Variants in PTPRM observed in about 807,000 individuals in gnomAD.
The protein encoded by PTPRM is receptor-type tyrosine-protein phosphatase mu.
PTPRM carries 47 observed loss-of-function variants against 186.7 expected under a neutral mutation model. That is an observed-to-expected ratio of 0.25 (90% CI 0.20 to 0.32). The LOEUF (loss-of-function observed/expected upper bound fraction) is 0.32. Ranked by LOEUF, PTPRM falls within the 10% of genes least tolerant of loss-of-function variation. The pLI, the probability that PTPRM is intolerant of heterozygous loss-of-function variation, is 1.00. For missense variants in PTPRM, 1,494 were observed against 1,865.0 expected (o/e 0.80, Z 3.66); for synonymous variants, 668 against 674.9 (o/e 0.99, Z 0.16).
chr18:7,877,281 T>C (rs1020557573), intron 2 of PTPRM, among the ~76,000 whole-genome samples: 15 of 152,168 alleles, frequency 9.9e-5, no homozygotes, highest in African/African-American at 3.1e-4. Flanking sequence ...CCTAGAATGA[T>C]TATTTATATT....
intron 9 of PTPRM, among the ~76,000 whole-genome samples, chr18:8,083,008 C>G (rs1305163954): frequency 6.6e-6 from 1 of 151,962 alleles, no homozygotes; most frequent in Non-Finnish European, 1.5e-5. Context: ...TCCATTTTAT[C>G]TCTAAAAGAT....
At chr18:7,918,078 T>TTGTG (rs35838540) in intron 4 of PTPRM, among the ~76,000 whole-genome samples, 2,578 of 148,070 alleles carry the variant, frequency 0.017, 42 homozygotes, top group East Asian at 0.076. Flanking sequence ...TCTTGTGTGT[T>TTGTG]TGTGTGTGTG....
chr18:8,172,263 AC>A (rs199646185), intron 14 of PTPRM, among the ~76,000 whole-genome samples: 92 of 134,284 alleles, frequency 6.9e-4, no homozygotes, highest in African/African-American at 2.1e-3. Flanking sequence ...TCAAGTCTTG[AC>A]CTTTTTTTTT....
chr18:8,245,404 C>A (rs2147310376), intron 15 of PTPRM, among the ~76,000 whole-genome samples: 1 of 152,276 alleles, frequency 6.6e-6, no homozygotes, highest in East Asian at 1.9e-4. Flanking sequence ...AGCACTGTTG[C>A]TTTCATCCTT....
intron 5 of PTPRM, among the ~76,000 whole-genome samples, chr18:7,941,055 C>G (rs2052139346): frequency 6.6e-6 from 1 of 152,144 alleles, no homozygotes. Flanking sequence ...TATCCTGTGG[C>G]CCAGACATTC....
chr18:7,891,850 G>A (rs1179040104), intron 3 of PTPRM, among the ~76,000 whole-genome samples: 1 of 152,188 alleles, frequency 6.6e-6, no homozygotes, highest in East Asian at 1.9e-4. Flanking sequence ...ACTCCAGCCT[G>A]GGAGACAGAA....
chr18:7,741,057 A>G (rs1452084781), intron 1 of PTPRM, among the ~76,000 whole-genome samples: 1 of 152,104 alleles, frequency 6.6e-6, no homozygotes, highest in Non-Finnish European at 1.5e-5. Context: ...GTGTGTGTGT[A>G]GTGTAAATTC....
intron 22 of PTPRM, among the ~76,000 whole-genome samples, chr18:8,340,484 C>G (rs2095468286): frequency 6.6e-6 from 1 of 152,142 alleles, no homozygotes; most frequent in Non-Finnish European, 1.5e-5. Flanking sequence ...TATAAACACC[C>G]TTTATTTTAA....
chr18:8,313,416 A>G (rs977842705), intron 20 of PTPRM, among the ~76,000 whole-genome samples: 2 of 152,192 alleles, frequency 1.3e-5, no homozygotes, highest in Non-Finnish European at 2.9e-5. Context: ...TTTAAAGGAC[A>G]TATATTTTCA....
At chr18:7,706,340 G>A (rs1322542544) in intron 1 of PTPRM, among the ~76,000 whole-genome samples, 2 of 151,802 alleles carry the variant, frequency 1.3e-5, no homozygotes, top group Admixed American at 6.6e-5. Context: ...GTTCACATCT[G>A]TAGTCTTAAA....
chr18:8,337,073 CCTAGGGAATAAGTTTTGG>C (rs1195869154), intron 22 of PTPRM, among the ~76,000 whole-genome samples: 2 of 152,042 alleles, frequency 1.3e-5, no homozygotes, highest in Non-Finnish European at 2.9e-5. Context: ...GAGACTCCTG[CCTAGGGAATAAGTTTTGG>C]CAGAGTCCTT....
intron 2 of PTPRM, among the ~76,000 whole-genome samples, chr18:7,808,884 A>G (rs2044367039): frequency 6.6e-6 from 1 of 152,238 alleles, no homozygotes. Context: ...TGCAGTGAGT[A>G]TAAGATGTTC....
intron 14 of PTPRM, among the ~76,000 whole-genome samples, chr18:8,233,451 A>G (rs2094310638): frequency 6.6e-6 from 1 of 152,138 alleles, no homozygotes; most frequent in Non-Finnish European, 1.5e-5. Flanking sequence ...CTCGTTTGCT[A>G]TGTGTACATC....
intron 14 of PTPRM, among the ~76,000 whole-genome samples, chr18:8,206,356 A>G (rs1006359687): frequency 1.3e-5 from 2 of 151,866 alleles, no homozygotes; most frequent in African/African-American, 2.4e-5. Flanking sequence ...CTGGGTTCAC[A>G]CCATTCTCCT....
intron 7 of PTPRM, among the ~76,000 whole-genome samples, chr18:8,033,199 T>C (rs2086102024): frequency 6.6e-6 from 1 of 152,160 alleles, no homozygotes; most frequent in African/African-American, 2.4e-5. Context: ...AATACTATAA[T>C]ATAAAACTGG....
intron 2 of PTPRM, among the ~76,000 whole-genome samples, chr18:7,858,173 C>T (rs1037925994): frequency 6.6e-6 from 1 of 152,140 alleles, no homozygotes; most frequent in South Asian, 2.1e-4. Flanking sequence ...CAAGGAAGTT[C>T]ACATTTTGAA....
chr18:8,368,289 C>G (rs1188059681), intron 23 of PTPRM, among the ~76,000 whole-genome samples: 1 of 151,636 alleles, frequency 6.6e-6, no homozygotes, highest in Admixed American at 6.6e-5. Context: ...AATTAGACAT[C>G]TCCACAAATA....
intron 1 of PTPRM, among the ~76,000 whole-genome samples, chr18:7,684,772 A>T (rs2039561256): frequency 6.6e-6 from 1 of 152,132 alleles, no homozygotes; most frequent in Non-Finnish European, 1.5e-5. Flanking sequence ...TCTTTTCTAC[A>T]TCCTGGTTGT....
At chr18:7,716,191 C>T (rs1209925602) in intron 1 of PTPRM, among the ~76,000 whole-genome samples, 1 of 152,090 alleles carries the variant, frequency 6.6e-6, no homozygotes, top group Non-Finnish European at 1.5e-5. Context: ...GAACAGAGGC[C>T]TCAGAAATCA....
Sources: gnomAD v4.1 joint callset for allele counts (sites outside exome capture counted in the v4.1 genomes callset) on GRCh38, gnomAD v4.1.1 for gene constraint, MANE v1.5 for transcripts, NCBI Gene and HGNC (gene_info 2026-07-23, HGNC 2026-07-21) for gene names.